AFF3: variants seen among roughly 807,000 people sequenced by gnomAD.
AFF3 encodes ALF transcription elongation factor 3.
A neutral mutation model predicts 129.7 loss-of-function variants in AFF3; 32 were observed. The ratio of observed to expected loss-of-function variants is 0.25; its 90% CI spans 0.19 to 0.33. The LOEUF is 0.33. AFF3 is among the 10% of genes least tolerant of loss of function. The probability of loss-of-function intolerance (pLI) is 1.00; values close to 1 mark genes in which losing one functional copy is unlikely to be tolerated. For missense variants in AFF3, 1,373 were observed against 1,592.0 expected, an observed-to-expected ratio of 0.86 and a Z score of 2.34; for synonymous variants, 644 against 635.4, an observed-to-expected ratio of 1.01 and a Z score of -0.20.
At position 99,981,485 on chromosome 2, in the gene AFF3, T is replaced by C. The variant is rs543324781; in HGVS notation, c.873+25147A>G. 2.6e-5 allele frequency among the ~76,000 whole-genome samples: 4 copies of C among 152,360 alleles called. No individual in the cohort carries two copies. In the South Asian group the frequency reaches 8.3e-4, roughly 32 times the overall value. On this transcript the variant is annotated intron_variant, in intron 7 of 24. Transcript: ENST00000672756. ...ACAACTATTTAAACTTCTAGAAGGA[T>C]ACTAGAAGTTTAGATTAGAATCTTG...
intron 2 of AFF3, among the ~76,000 whole-genome samples, chr2:100,117,075 G>A (rs1403222772): frequency 6.6e-6 from 1 of 152,062 alleles, no homozygotes; most frequent in Non-Finnish European, 1.5e-5. Flanking sequence ...TTTTGTCCTT[G>A]ATTATCAGCA....
intron 13 of AFF3, among the ~76,000 whole-genome samples, chr2:99,637,744 C>G (rs1173982748): frequency 6.6e-6 from 1 of 152,214 alleles, no homozygotes; most frequent in African/African-American, 2.4e-5. Context: ...GTGACAAACA[C>G]TGAAAACTAT....
In AFF3 at chr2:100,061,861, G is replaced by T. The variant is rs867429428; in HGVS notation, c.53+42541C>A. ...AAGAGATGGGTAGCACAGTGGAGGG[G>T]GGGGGGGTGCCGACTCTCAAGTCCA... On this transcript the variant is annotated intron_variant, in intron 4 of 24. Coordinates refer to ENST00000672756, the MANE Select transcript of AFF3 (RefSeq NM_001386135.1). 1.3e-4 allele frequency among the ~76,000 whole-genome samples: 19 copies of T among 151,190 alleles called. 1 individual carries two copies. Among genetic ancestry groups the T allele is most frequent in the South Asian group, 4.3e-4 (2 of 4,694 alleles).
At chr2:99,681,522 T>C (rs1187015500) in intron 11 of AFF3, among the ~76,000 whole-genome samples, 1 of 152,178 alleles carries the variant, frequency 6.6e-6, no homozygotes, top group Non-Finnish European at 1.5e-5. Flanking sequence ...TTAAATGTGA[T>C]AGTATTCAGA....
chr2:99,926,523 C>A (rs1446952656), intron 7 of AFF3, among the ~76,000 whole-genome samples: 1 of 152,186 alleles, frequency 6.6e-6, no homozygotes, highest in Non-Finnish European at 1.5e-5. Flanking sequence ...CACATACATA[C>A]ATATAGGACC....
intron 11 of AFF3, among the ~76,000 whole-genome samples, chr2:99,687,492 A>G (rs1575695827): frequency 6.6e-6 from 1 of 152,076 alleles, no homozygotes; most frequent in African/African-American, 2.4e-5. Flanking sequence ...TGTTCTAAGA[A>G]CTCAGCGAGG....
chr2:99,592,268 G>A (rs901340292), intron 15 of AFF3, among the ~76,000 whole-genome samples: 13 of 152,104 alleles, frequency 8.5e-5, no homozygotes, highest in African/African-American at 2.4e-4. Flanking sequence ...TGGACTCACC[G>A]CTTCCATTCC....
intron 11 of AFF3, chr2:99,707,558 C>T (rs1310179058): frequency 1.0e-6 from 1 of 953,862 alleles, no homozygotes; most frequent in East Asian, 1.4e-4. Flanking sequence ...ACCAAAGTAT[C>T]TCGCTGAAAA....
chr2:99,982,788 G>A (rs566794470), intron 7 of AFF3, among the ~76,000 whole-genome samples: 56 of 152,068 alleles, frequency 3.7e-4, no homozygotes, highest in African/African-American at 1.4e-3. Context: ...ATCAAGAAAG[G>A]AATTATGATT....
At chr2:99,739,618 C>G (rs1261227071) in intron 10 of AFF3, among the ~76,000 whole-genome samples, 1 of 151,996 alleles carries the variant, frequency 6.6e-6, no homozygotes, top group Non-Finnish European at 1.5e-5. Flanking sequence ...AACGATCTAC[C>G]TTTTAAAAGA....
chr2:99,548,380 CA>C lies in AFF3; in HGVS notation c.*3093del, dbSNP rs2104431097. 5.0e-6 allele frequency: 1 copy of C among 199,318 alleles called. No individual in the cohort carries two copies. Among genetic ancestry groups the C allele is most frequent in the East Asian group, 7.8e-5 (1 of 12,862 alleles). The allele number at this position is 199,318 out of a possible 1,614,324, so 12.3% of individuals were successfully genotyped here. On this transcript the variant is annotated 3_prime_UTR_variant, in exon 25 of 25. Coordinates refer to ENST00000672756, the MANE Select transcript of AFF3 (RefSeq NM_001386135.1). The stretch of plus-strand genomic sequence containing the variant: ...ACACTTTCTACTTTCTACATTTCTG[CA>C]CTGTTTGAGTTTTTACAATGAGTAG...
chr2:99,584,925 C>T (rs192271169), intron 16 of AFF3, among the ~76,000 whole-genome samples: 1 of 152,288 alleles, frequency 6.6e-6, no homozygotes, highest in Non-Finnish European at 1.5e-5. Context: ...CAAACACAGA[C>T]CTCTAGAACA....
chr2:99,968,097 C>T (rs113411790), intron 7 of AFF3, among the ~76,000 whole-genome samples: 5 of 152,282 alleles, frequency 3.3e-5, no homozygotes, highest in African/African-American at 4.8e-5. Flanking sequence ...TGCCCTGTCC[C>T]GAGTTCCCTC....
At chr2:99,731,890 G>C (rs1337566930) in intron 10 of AFF3, among the ~76,000 whole-genome samples, 1 of 152,180 alleles carries the variant, frequency 6.6e-6, no homozygotes, top group African/African-American at 2.4e-5. Context: ...CTGTTAAATA[G>C]AGCACGCATT....
intron 7 of AFF3, among the ~76,000 whole-genome samples, chr2:100,003,090 G>A (rs1464329307): frequency 6.9e-6 from 1 of 144,456 alleles, no homozygotes; most frequent in Admixed American, 7.2e-5. Context: ...GGTCTCTAAG[G>A]CTCTGGGGAG....
At chr2:99,731,772 T>C (rs1679851424) in intron 10 of AFF3, among the ~76,000 whole-genome samples, 1 of 152,174 alleles carries the variant, frequency 6.6e-6, no homozygotes, top group Non-Finnish European at 1.5e-5. Flanking sequence ...GTCACTAAGG[T>C]AGAATGAGTG....
intron 7 of AFF3, among the ~76,000 whole-genome samples, chr2:99,915,759 G>A (rs938219775): frequency 6.6e-6 from 1 of 152,052 alleles, no homozygotes; most frequent in African/African-American, 2.4e-5. Flanking sequence ...TTTCTGGGTA[G>A]TACACACCCA....
At chr2:100,046,202 A>G (rs982921291) in intron 4 of AFF3, among the ~76,000 whole-genome samples, 9 of 152,194 alleles carry the variant, frequency 5.9e-5, no homozygotes, top group Non-Finnish European at 8.8e-5. Context: ...AATGATTCTG[A>G]TAACAGCTAA....
intron 7 of AFF3, among the ~76,000 whole-genome samples, chr2:99,867,733 A>T (rs1691536087): frequency 6.6e-6 from 1 of 152,146 alleles, no homozygotes; most frequent in African/African-American, 2.4e-5. Flanking sequence ...GTGAAAGCAG[A>T]GTGGAGTGGA....
Sources: allele counts gnomAD v4.1 joint callset (sites outside exome capture counted in the v4.1 genomes callset), GRCh38; gene constraint gnomAD v4.1.1; transcripts MANE v1.5; gene names NCBI Gene and HGNC (gene_info 2026-07-23, HGNC 2026-07-21).